Variants in PHLPP1 observed in about 807,000 individuals in gnomAD.
The protein encoded by PHLPP1 is PH domain and leucine rich repeat protein phosphatase 1, also known as PH domain leucine-rich repeat-containing protein phosphatase 1.
A neutral mutation model predicts 117.2 loss-of-function variants in PHLPP1; 42 were observed. The ratio of observed to expected loss-of-function variants is 0.36; its 90% CI spans 0.28 to 0.46. The LOEUF (loss-of-function observed/expected upper bound fraction) is 0.46, where lower values mean the gene tolerates loss of function less well. PHLPP1 is among the 20% of genes least tolerant of loss of function. PHLPP1 has a pLI of 1.00. For missense variants in PHLPP1, 2,084 were observed against 2,241.9 expected (o/e 0.93, Z 1.42); for synonymous variants, 1,042 against 970.7 (o/e 1.07, Z -1.37).
At chr18:62,957,287 C>T (rs150204908) in intron 12 of PHLPP1, among the ~76,000 whole-genome samples, 14 of 152,282 alleles carry the variant, frequency 9.2e-5, no homozygotes, top group Admixed American at 7.8e-4. Flanking sequence ...AGCTTTACAT[C>T]AGTTTTGTGA....
At chr18:62,841,180 G>T (rs865831609) in intron 3 of PHLPP1, among the ~76,000 whole-genome samples, 4 of 151,666 alleles carry the variant, frequency 2.6e-5, no homozygotes, top group East Asian at 2.0e-4. Flanking sequence ...GAGCCACTGC[G>T]CCTGGCCTTT....
chr18:62,935,464 A>G (rs900357631), intron 10 of PHLPP1, among the ~76,000 whole-genome samples: 9 of 152,264 alleles, frequency 5.9e-5, no homozygotes, highest in African/African-American at 1.7e-4. Context: ...TTGCAAATTT[A>G]ACACAATCAT....
intron 9 of PHLPP1, among the ~76,000 whole-genome samples, chr18:62,917,690 G>A (rs544016079): frequency 6.6e-6 from 1 of 151,902 alleles, no homozygotes; most frequent in South Asian, 2.1e-4. Context: ...GCGTGTGCCT[G>A]TAGTCCCAGC....
At chr18:62,731,307 A>G (rs1339026719) in intron 1 of PHLPP1, 1 of 152,152 alleles carries the variant, frequency 6.6e-6, no homozygotes, top group Non-Finnish European at 1.5e-5. Flanking sequence ...TTCCACTATT[A>G]GTATATATGC....
chr18:62,716,236 C>A lies in PHLPP1; in HGVS notation c.553C>A (p.Leu185Met). 6.5e-7 allele frequency: 1 copy of A among 1,529,546 alleles called. No individual in the cohort carries two copies. The highest frequency in any genetic ancestry group is 1.2e-5 in the South Asian group (1 of 83,142). 94.7% of individuals were successfully genotyped at this position (1,529,546 alleles called of 1,614,324 possible). A position where few individuals can be genotyped will look rare whatever the true frequency, so the allele number is the denominator to read the frequency against. Residue 185 changes from leucine (L) to methionine (M), a missense_variant, in exon 1 of 17, where the codon CTG (leucine) becomes ATG (methionine). By Grantham distance (15) the Leu-to-Met change is conservative. Around this residue, in one of 2 missense-constraint regions of PHLPP1, gnomAD observed 719 missense variants for 636.0 expected, o/e 1.13. Transcript: ENST00000262719. The surrounding 1 kb of genome is among the most constrained non-coding windows in gnomAD (Gnocchi z 5.7). ...KTLLLKHRQTLQLQPSDRDWV... is the reference protein window; with the variant it reads ...KTLLLKHRQTMQLQPSDRDWV... ...GCTGCTTCTGAAGCACCGGCAGACG[C>A]TGCAGCTGCAGCCGTCGGACCGGGA...
intron 1 of PHLPP1, among the ~76,000 whole-genome samples, chr18:62,800,735 G>C (rs976645188): frequency 1.3e-5 from 2 of 152,038 alleles, no homozygotes; most frequent in Non-Finnish European, 2.9e-5. Context: ...AACCTATTTA[G>C]AGTAGGGCTT....
chr18:62,896,047 G>C (rs572094671), intron 6 of PHLPP1, 36 bp downstream of exon 6: 5 of 1,348,916 alleles, frequency 3.7e-6, no homozygotes, highest in Non-Finnish European at 5.3e-6. Context: ...CATTTGAGTG[G>C]CTGGCTTATA....
At chr18:62,828,247 T>C (rs1914664122) in intron 1 of PHLPP1, among the ~76,000 whole-genome samples, 1 of 152,190 alleles carries the variant, frequency 6.6e-6, no homozygotes. Context: ...AACCCCGGCA[T>C]CTTCCTCTCT....
At chr18:62,856,610 A>G (rs1424226331) in intron 3 of PHLPP1, among the ~76,000 whole-genome samples, 1 of 152,032 alleles carries the variant, frequency 6.6e-6, no homozygotes, top group African/African-American at 2.4e-5. Context: ...AAATTTTTTT[A>G]TTAGTAGAGT....
chr18:62,817,695 C>A (rs965757885), intron 1 of PHLPP1, among the ~76,000 whole-genome samples: 7 of 151,766 alleles, frequency 4.6e-5, no homozygotes, highest in Non-Finnish European at 8.8e-5. Context: ...TCAAATTTGA[C>A]CATAAATCTA....
At chr18:62,826,146 A>G (rs566547740) in intron 1 of PHLPP1, 304 of 306,594 alleles carry the variant, frequency 9.9e-4, no homozygotes, top group African/African-American at 6.5e-3. Flanking sequence ...GTCTGTGCAT[A>G]TTTATTTATT....
chr18:62,976,046 G>T (rs764785982), intron 16 of PHLPP1, among the ~76,000 whole-genome samples: 1 of 152,204 alleles, frequency 6.6e-6, no homozygotes, highest in African/African-American at 2.4e-5. Flanking sequence ...ATCTTACAAG[G>T]TTGGTATGAC....
intron 10 of PHLPP1, among the ~76,000 whole-genome samples, chr18:62,938,443 G>A (rs988583842): frequency 3.3e-5 from 5 of 152,182 alleles, no homozygotes; most frequent in Non-Finnish European, 5.9e-5. Flanking sequence ...AATTTAAATT[G>A]TCTCCTGCTG....
intron 1 of PHLPP1, among the ~76,000 whole-genome samples, chr18:62,811,582 TG>T (rs1344273268): frequency 7.2e-5 from 11 of 151,928 alleles, no homozygotes; most frequent in Admixed American, 7.2e-4. Flanking sequence ...TTTAAACTTT[TG>T]TTAATGGGGC....
At chr18:62,849,147 G>C (rs1053575834) in intron 3 of PHLPP1, among the ~76,000 whole-genome samples, 45 of 152,148 alleles carry the variant, frequency 3.0e-4, no homozygotes, top group African/African-American at 1.1e-3. Flanking sequence ...TGATGACCAA[G>C]AGTTATTTAA....
intron 12 of PHLPP1, among the ~76,000 whole-genome samples, chr18:62,953,276 G>T (rs1910516799): frequency 6.6e-6 from 1 of 152,164 alleles, no homozygotes; most frequent in Non-Finnish European, 1.5e-5. Context: ...CCCTCTGCCT[G>T]CCCAGCCTTA....
At chr18:62,853,463 G>A (rs578092952) in intron 3 of PHLPP1, among the ~76,000 whole-genome samples, 1 of 151,518 alleles carries the variant, frequency 6.6e-6, no homozygotes, top group Non-Finnish European at 1.5e-5. Context: ...TCTGCCTCTC[G>A]GGTTCAAGCG....
intron 1 of PHLPP1, among the ~76,000 whole-genome samples, chr18:62,822,084 C>A (rs1221492113): frequency 1.3e-5 from 2 of 151,982 alleles, no homozygotes; most frequent in African/African-American, 4.8e-5. Context: ...TGGACCAGGA[C>A]CCTGTTTCTT....
intron 16 of PHLPP1, among the ~76,000 whole-genome samples, chr18:62,976,471 G>C (rs557600895): frequency 6.6e-6 from 1 of 152,214 alleles, no homozygotes; most frequent in Non-Finnish European, 1.5e-5. Flanking sequence ...GAAGTCTGAC[G>C]TGCAAACCAT....
Sources: gnomAD v4.1 joint callset for allele counts (sites outside exome capture counted in the v4.1 genomes callset) on GRCh38, gnomAD v4.1.1 for gene constraint, gnomAD v4.1.1 regional missense constraint, Gnocchi (gnomAD v3.1) non-coding constraint, MANE v1.5 for transcripts, NCBI Gene and HGNC (gene_info 2026-07-23, HGNC 2026-07-21) for gene names.